CUL1: variants seen among roughly 807,000 people sequenced by gnomAD.
The protein encoded by CUL1 is cullin-1.
In CUL1, 24 loss-of-function variants were observed where a neutral mutation model predicts 118.0. The ratio of observed to expected loss-of-function variants is 0.20; its 90% CI spans 0.15 to 0.29. The LOEUF is 0.29. Ranked by LOEUF, CUL1 falls within the 10% of genes least tolerant of loss-of-function variation. The pLI is 1.00. For synonymous variants in CUL1, 332 were observed against 340.4 expected, an observed-to-expected ratio of 0.98 and a Z score of 0.27; for missense variants, 361 against 933.8, an observed-to-expected ratio of 0.39 and a Z score of 7.99.
chr7:148,760,384 C>T lies in CUL1; in HGVS notation c.677C>T (p.Thr226Ile), dbSNP rs1219738962. 1 of 1,612,942 alleles carries T rather than the reference C, an allele frequency of 6.2e-7. No individual in the cohort carries two copies. Among genetic ancestry groups the T allele is most frequent in the Admixed American group, 1.7e-5 (1 of 59,872 alleles). The change falls in exon 7 of 22, where the codon ACA becomes ATA. Residue 226 changes from threonine to isoleucine, a missense_variant. Physicochemically the swap from Thr to Ile is moderately conservative, Grantham distance 89. Coordinates refer to ENST00000325222, the MANE Select transcript of CUL1 (RefSeq NM_003592.3). ...DDAFAKGPTL[T>I]VYKESFESQF... ...GCATTTGCAAAGGGCCCTACGTTAA[C>T]AGTGTATAAAGAATCCTTTGAATCT...
chr7:148,791,955 A>C (rs1403754497), intron 16 of CUL1, among the ~76,000 whole-genome samples: 1 of 152,178 alleles, frequency 6.6e-6, no homozygotes, highest in Non-Finnish European at 1.5e-5. Flanking sequence ...TTGGGAGGCC[A>C]AGGCAGGCAG....
chr7:148,742,434 TC>T (rs1799174541), intron 2 of CUL1, among the ~76,000 whole-genome samples: 1 of 152,138 alleles, frequency 6.6e-6, no homozygotes, highest in African/African-American at 2.4e-5. Context: ...GAGAACACTA[TC>T]GGGGAAACTG....
At chr7:148,790,259 T>C in intron 15 of CUL1, 51 bp from the exon 16 acceptor site, 1 of 1,597,866 alleles carries the variant, frequency 6.3e-7, no homozygotes, top group Non-Finnish European at 8.6e-7. Flanking sequence ...AAACGCTGCC[T>C]GTAGGATGTG....
In CUL1 at chr7:148,757,472, AG is replaced by A. The variant is rs541476938; in HGVS notation, c.483+323del. On this transcript the variant is annotated intron_variant, in intron 4 of 21. Transcript: ENST00000325222. ...CGCACTGAAAGTCCTGAGTCCTGGT[AG>A]TCCCAGGCAAATCAGGTGCCATACC... Among the ~76,000 whole-genome samples, 603 of 152,304 alleles carry A rather than the reference AG, an allele frequency of 4.0e-3. 3 individuals carry two copies. Among genetic ancestry groups the A allele is most frequent in the African/African-American group, 0.013 (559 of 41,554 alleles).
intron 1 of CUL1, among the ~76,000 whole-genome samples, chr7:148,707,255 T>C (rs1459582201): frequency 1.3e-5 from 2 of 152,178 alleles, no homozygotes; most frequent in African/African-American, 4.8e-5. Context: ...CCTGGAAATA[T>C]TCGTGGTTCT....
chr7:148,729,370 T>C (rs1379847457), intron 1 of CUL1, among the ~76,000 whole-genome samples: 2 of 152,220 alleles, frequency 1.3e-5, no homozygotes, highest in Non-Finnish European at 2.9e-5. Flanking sequence ...TGTACCTATC[T>C]AGTAGATGTG....
chr7:148,785,705 C>A (rs1324397442), intron 11 of CUL1, among the ~76,000 whole-genome samples: 1 of 151,900 alleles, frequency 6.6e-6, no homozygotes, highest in Non-Finnish European at 1.5e-5. Flanking sequence ...AAATGTCCCT[C>A]GTCAAGTCTA....
chr7:148,729,810 A>G (rs970710012), intron 1 of CUL1, among the ~76,000 whole-genome samples, 152 bp from the exon 2 acceptor site: 1 of 152,224 alleles, frequency 6.6e-6, no homozygotes, highest in African/African-American at 2.4e-5. Flanking sequence ...ATTTTTGTAC[A>G]CAGACCATAT....
chr7:148,713,010 T>A (rs1798099382), intron 1 of CUL1, among the ~76,000 whole-genome samples: 1 of 152,220 alleles, frequency 6.6e-6, no homozygotes, highest in South Asian at 2.1e-4. Flanking sequence ...ATGAGCTCTT[T>A]TTCTTTATTT....
In CUL1 at chr7:148,791,898, G is replaced by A. The variant is rs182179842; in HGVS notation, c.1807-828G>A. 4.6e-4 allele frequency among the ~76,000 whole-genome samples: 70 copies of A among 152,328 alleles called. 1 individual carries two copies. Among genetic ancestry groups the A allele is most frequent in the African/African-American group, 1.5e-3 (63 of 41,586 alleles). ...AACACGTGCTACCTGTCTTTTAGAA[G>A]ATACTTTAGGGCCGGGTGCAGTGGC... is the stretch of plus-strand genomic sequence containing the variant. On this transcript the variant is annotated intron_variant, in intron 16 of 21. Transcript: ENST00000325222.
At chr7:148,799,867 T>C (rs67275194) in intron 21 of CUL1, among the ~76,000 whole-genome samples, 12,832 of 152,288 alleles carry the variant, frequency 0.084, 682 homozygotes, top group African/African-American at 0.14. Context: ...TTTTGTTGCT[T>C]TTATGGGTGT....
rs867901068 is a variant in CUL1, at chr7:148,743,194, A to G, written c.141-10782A>G. ...TGTTCAGTGGCCCAGAAAATAGCCT[A>G]TCTTGGTGAATGTGCCATGTACTCT... On this transcript the variant is annotated intron_variant, in intron 2 of 21. Coordinates refer to ENST00000325222, the MANE Select transcript of CUL1 (RefSeq NM_003592.3). 8.5e-5 allele frequency among the ~76,000 whole-genome samples: 13 copies of G among 152,172 alleles called. 1 individual carries two copies. The highest frequency in any genetic ancestry group is 7.2e-4 in the Admixed American group (11 of 15,286).
chr7:148,741,776 G>A (rs138022442), intron 2 of CUL1, among the ~76,000 whole-genome samples: 22 of 151,772 alleles, frequency 1.4e-4, no homozygotes, highest in African/African-American at 5.1e-4. Flanking sequence ...GTTTCATCAC[G>A]TTGGCCAGGC....
intron 2 of CUL1, among the ~76,000 whole-genome samples, chr7:148,745,251 CAT>C (rs956588968): frequency 1.2e-4 from 18 of 152,224 alleles, no homozygotes; most frequent in African/African-American, 4.3e-4. Context: ...TGATTATGAA[CAT>C]ATTTTTCTAT....
intron 1 of CUL1, among the ~76,000 whole-genome samples, chr7:148,725,038 T>G (rs1408461304): frequency 6.6e-6 from 1 of 152,266 alleles, no homozygotes; most frequent in Non-Finnish European, 1.5e-5. Context: ...ATATATAGTT[T>G]GTAAAGTAAA....
intron 13 of CUL1, among the ~76,000 whole-genome samples, chr7:148,788,215 T>G (rs567305207): frequency 6.6e-6 from 1 of 152,298 alleles, no homozygotes; most frequent in African/African-American, 2.4e-5. Flanking sequence ...ATAGGGATTT[T>G]GGGGGCACAC....
rs974581827 is a variant in CUL1, at chr7:148,800,789, C to T, written c.*207C>T. The T allele has an allele frequency of 1.8e-5, 9 of 501,456 alleles. No individual in the cohort carries two copies. Among genetic ancestry groups the T allele is most frequent in the Middle Eastern group, 5.2e-4 (1 of 1,924 alleles). The allele number at this position is 501,456 out of a possible 1,614,324, so 31.1% of individuals were successfully genotyped here. A position where few individuals can be genotyped will look rare whatever the true frequency, so the allele number is the denominator to read the frequency against. On this transcript the variant is annotated 3_prime_UTR_variant, in exon 22 of 22. Coordinates refer to ENST00000325222, the MANE Select transcript of CUL1 (RefSeq NM_003592.3). This position sits in a 1 kb window ranked among gnomAD's most constrained non-coding sequence, Gnocchi z 4.6. ...TCAAGTCTGTAAATACGGACACCAA[C>T]GCCATTTACCCTAATTTAAGAACAG...
At chr7:148,719,444 T>C (rs1473166407) in intron 1 of CUL1, among the ~76,000 whole-genome samples, 1 of 152,228 alleles carries the variant, frequency 6.6e-6, no homozygotes, top group Non-Finnish European at 1.5e-5. Context: ...TAGAAAGGGA[T>C]AGCATAAATC....
At chr7:148,737,834 G>A (rs1178215362) in intron 2 of CUL1, among the ~76,000 whole-genome samples, 1 of 151,998 alleles carries the variant, frequency 6.6e-6, no homozygotes, top group Admixed American at 6.6e-5. Flanking sequence ...CTGACCTCAA[G>A]CAATCTGTTC....
Sources: allele counts gnomAD v4.1 joint callset (sites outside exome capture counted in the v4.1 genomes callset), GRCh38; gene constraint gnomAD v4.1.1; non-coding constraint Gnocchi (gnomAD v3.1); transcripts MANE v1.5; gene names NCBI Gene and HGNC (gene_info 2026-07-23, HGNC 2026-07-21).